Variants in TMEM131L observed in about 807,000 individuals in gnomAD.
TMEM131L encodes the protein transmembrane 131 like, also known as transmembrane protein 131-like.
Under a neutral mutation model 192.2 loss-of-function variants are expected in TMEM131L, and 54 were observed. The ratio of observed to expected loss-of-function variants is 0.28; its 90% CI spans 0.23 to 0.35. The LOEUF is 0.35. TMEM131L is among the 10% of genes least tolerant of loss of function. TMEM131L has a pLI of 1.00. For synonymous variants in TMEM131L, 701 were observed against 704.9 expected, an observed-to-expected ratio of 0.99 and a Z score of 0.09; for missense variants, 1,888 against 1,972.9, an observed-to-expected ratio of 0.96 and a Z score of 0.82.
intron 26 of TMEM131L, 79 bp downstream of exon 26, chr4:153,612,479 A>C (rs1228196000): frequency 9.3e-7 from 1 of 1,078,742 alleles, no homozygotes; most frequent in Non-Finnish European, 1.3e-6. Context: ...TGTATTTCAT[A>C]TGTTTCACTG....
intron 11 of TMEM131L, among the ~76,000 whole-genome samples, 187 bp from the exon 12 acceptor site, chr4:153,584,648 T>C (rs189190898): frequency 4.5e-4 from 69 of 152,342 alleles, no homozygotes; most frequent in African/African-American, 1.6e-3. Flanking sequence ...TATGGACTTC[T>C]GGATAATTGG....
chr4:153,590,571 A>C (rs929640538), intron 16 of TMEM131L, among the ~76,000 whole-genome samples: 7 of 152,218 alleles, frequency 4.6e-5, no homozygotes, highest in Non-Finnish European at 1.0e-4. Context: ...CCATGGTTTT[A>C]GTATCTATTG....
chr4:153,534,934 AG>A (rs1335988092), intron 3 of TMEM131L, among the ~76,000 whole-genome samples: 1 of 152,206 alleles, frequency 6.6e-6, no homozygotes, highest in Non-Finnish European at 1.5e-5. Flanking sequence ...GGAGTTGGTG[AG>A]GTCACAGGGA....
intron 25 of TMEM131L, among the ~76,000 whole-genome samples, chr4:153,607,801 C>A (rs531523082): frequency 3.3e-5 from 5 of 152,202 alleles, no homozygotes; most frequent in Middle Eastern, 3.4e-3. Context: ...TACATACTTG[C>A]CATCAAGAAA....
At chr4:153,473,760 C>G (rs898352284) in intron 2 of TMEM131L, 85 bp from the exon 3 acceptor site, 2 of 1,143,334 alleles carry the variant, frequency 1.7e-6, no homozygotes, top group African/African-American at 3.2e-5. Flanking sequence ...CCATTGTACT[C>G]CAGCCTGGGT....
chr4:153,483,681 GC>G (rs1421548432), intron 3 of TMEM131L, among the ~76,000 whole-genome samples: 53 of 152,048 alleles, frequency 3.5e-4, no homozygotes, highest in Non-Finnish European at 7.5e-4. Flanking sequence ...TGACAGAGAG[GC>G]CCTATCTCTA....
rs559768280 is a variant in TMEM131L at position 153,541,958 on chromosome 4, G to C, written c.240-8115G>C. 3.0e-4 allele frequency among the ~76,000 whole-genome samples: 46 copies of C among 152,368 alleles called. 1 individual carries two copies. The South Asian group carries it at 8.9e-3, about 29-fold the overall frequency. Reference sequence around the variant, plus strand: ...CCTGCCTCAGGCGGGTAAATCTGGAGAAGTCTGGGTCATGGGCTAGCACCC... The same window carrying C: ...CCTGCCTCAGGCGGGTAAATCTGGACAAGTCTGGGTCATGGGCTAGCACCC... On this transcript the variant is annotated intron_variant, in intron 3 of 34. Coordinates refer to ENST00000409959, the MANE Select transcript of TMEM131L (RefSeq NM_001131007.2).
intron 18 of TMEM131L, 42 bp downstream of exon 18, chr4:153,592,626 T>C (rs1319354454): frequency 9.2e-6 from 12 of 1,301,410 alleles, no homozygotes; most frequent in Non-Finnish European, 1.2e-5. Flanking sequence ...GGGAAGTACT[T>C]GGGAAGACTT....
intron 3 of TMEM131L, among the ~76,000 whole-genome samples, chr4:153,506,172 G>A (rs1341286845): frequency 6.6e-6 from 1 of 152,142 alleles, no homozygotes; most frequent in Non-Finnish European, 1.5e-5. Flanking sequence ...AGCCCACCAG[G>A]TGATACCTGG....
chr4:153,582,391 C>G (rs1440788027), intron 9 of TMEM131L, among the ~76,000 whole-genome samples: 1 of 147,440 alleles, frequency 6.8e-6, no homozygotes, highest in Non-Finnish European at 1.5e-5. Context: ...ACCACAGGCG[C>G]ACACCACTAT....
At chr4:153,566,299 A>C (rs746878816) in intron 7 of TMEM131L, among the ~76,000 whole-genome samples, 4 of 151,830 alleles carry the variant, frequency 2.6e-5, no homozygotes, top group African/African-American at 4.8e-5. Context: ...GCACGCCCAG[A>C]TAATTTTTTG....
chr4:153,593,762 T>A, intron 18 of TMEM131L, 37 bp from the exon 19 acceptor site: 1 of 1,328,946 alleles, frequency 7.5e-7, no homozygotes, highest in Non-Finnish European at 1.1e-6. Context: ...CTGGCAGATG[T>A]GAGTGCTGTT....
intron 4 of TMEM131L, among the ~76,000 whole-genome samples, chr4:153,553,590 C>G (rs1344912998): frequency 6.6e-6 from 1 of 150,534 alleles, no homozygotes; most frequent in Admixed American, 6.6e-5. Flanking sequence ...TGAGGGTTCT[C>G]CTCCTGATTT....
intron 26 of TMEM131L, among the ~76,000 whole-genome samples, chr4:153,619,705 C>G (rs2126710250): frequency 6.6e-6 from 1 of 152,326 alleles, no homozygotes; most frequent in East Asian, 1.9e-4. Context: ...ACCTTTTTCT[C>G]CTTCCAAGTT....
In TMEM131L at chr4:153,623,100, G is replaced by A. The variant is rs1319171681; in HGVS notation, c.4045+17G>A. 1 of 1,561,488 alleles carries A rather than the reference G, an allele frequency of 6.4e-7. No individual in the cohort carries two copies. Among genetic ancestry groups the A allele is most frequent in the Admixed American group, 1.9e-5 (1 of 51,654 alleles). The stretch of plus-strand genomic sequence containing the variant: ...TGCCGGCCGGTGAGTCCTGAGCAGA[G>A]CCCCAGGCACTCTCGGTGGCCCTTC... On this transcript the variant is annotated intron_variant, in intron 29 of 34. Transcript: ENST00000409959.
At chr4:153,568,844 G>A (rs17370126) in intron 7 of TMEM131L, among the ~76,000 whole-genome samples, 2,665 of 152,300 alleles carry the variant, frequency 0.017, 28 homozygotes, top group Non-Finnish European at 0.029. Context: ...TGGAGTTAGA[G>A]AACTAAAACC....
intron 12 of TMEM131L, among the ~76,000 whole-genome samples, chr4:153,585,170 A>G (rs1339909475): frequency 6.6e-6 from 1 of 152,200 alleles, no homozygotes; most frequent in Non-Finnish European, 1.5e-5. Flanking sequence ...GATGTGTGAA[A>G]AGAGTACATA....
intron 3 of TMEM131L, among the ~76,000 whole-genome samples, chr4:153,518,318 C>CA (rs1420631455): frequency 2.6e-5 from 4 of 152,176 alleles, no homozygotes; most frequent in Non-Finnish European, 5.9e-5. Flanking sequence ...TTTCGAAAGA[C>CA]AGTGTTTTTG....
chr4:153,611,288 CAA>C (rs905201594), intron 25 of TMEM131L, among the ~76,000 whole-genome samples: 5 of 152,158 alleles, frequency 3.3e-5, no homozygotes, highest in Admixed American at 1.3e-4. Context: ...AACTGTCAAA[CAA>C]GAGAGGCAAG....
Sources: gnomAD v4.1 joint callset for allele counts (sites outside exome capture counted in the v4.1 genomes callset) on GRCh38, gnomAD v4.1.1 for gene constraint, MANE v1.5 for transcripts, NCBI Gene and HGNC (gene_info 2026-07-23, HGNC 2026-07-21) for gene names.